Variants in CACNB2 observed in about 807,000 individuals in gnomAD.
CACNB2 encodes calcium voltage-gated channel auxiliary subunit beta 2.
CACNB2 carries 42 observed loss-of-function variants against 73.3 expected under a neutral mutation model. The observed-to-expected ratio is 0.57, with a 90% CI of 0.45 to 0.74. The LOEUF is 0.74. Ranked by LOEUF, CACNB2 falls within the 30% of genes least tolerant of loss-of-function variation. The pLI is 0.00. For missense variants in CACNB2, 940 were observed against 853.0 expected, an observed-to-expected ratio of 1.10 and a Z score of -1.27; for synonymous variants, 348 against 310.3, an observed-to-expected ratio of 1.12 and a Z score of -1.28.
intron 2 of CACNB2, among the ~76,000 whole-genome samples, chr10:18,387,354 T>G (rs1464776661): frequency 6.6e-6 from 1 of 152,196 alleles, no homozygotes; most frequent in South Asian, 2.1e-4. Flanking sequence ...AAATAATGTT[T>G]TGTGTTACAG....
At chr10:18,182,151 G>A (rs995579763) in intron 2 of CACNB2, 1 of 152,096 alleles carries the variant, frequency 6.6e-6, no homozygotes, top group Non-Finnish European at 1.5e-5. Context: ...GCCCAATTAT[G>A]TCTGGGGTGT....
intron 2 of CACNB2, among the ~76,000 whole-genome samples, chr10:18,322,351 T>C (rs549123607): frequency 1.1e-4 from 17 of 152,332 alleles, no homozygotes; most frequent in African/African-American, 4.1e-4. Context: ...AATCGCATGA[T>C]TTGTAAAAAG....
At chr10:18,173,658 A>G (rs908430203) in intron 2 of CACNB2, among the ~76,000 whole-genome samples, 2 of 152,216 alleles carry the variant, frequency 1.3e-5, no homozygotes, top group African/African-American at 4.8e-5. Context: ...TTAGCATTAT[A>G]TAATGAATCA....
intron 6 of CACNB2, among the ~76,000 whole-genome samples, chr10:18,509,921 C>G (rs1014633663): frequency 6.6e-6 from 1 of 152,130 alleles, no homozygotes; most frequent in African/African-American, 2.4e-5. Context: ...CAAGTAAATA[C>G]TAATGTTTGC....
At chr10:18,241,672 G>A (rs1218575983) in intron 2 of CACNB2, among the ~76,000 whole-genome samples, 1 of 152,000 alleles carries the variant, frequency 6.6e-6, no homozygotes, top group African/African-American at 2.4e-5. Flanking sequence ...AATGAGACAA[G>A]GGGAAAGAAA....
intron 2 of CACNB2, among the ~76,000 whole-genome samples, chr10:18,378,711 A>G (rs1231500392): frequency 1.3e-5 from 2 of 152,158 alleles, no homozygotes; most frequent in Admixed American, 1.3e-4. Flanking sequence ...TGATGGCACC[A>G]CTGCACTCCA....
chr10:18,237,269 G>A (rs1249953567), intron 2 of CACNB2, among the ~76,000 whole-genome samples: 14 of 152,198 alleles, frequency 9.2e-5, no homozygotes, highest in Admixed American at 9.2e-4. Flanking sequence ...AAATAAAGAG[G>A]TTTTAAAGAT....
chr10:18,532,676 C>CAAAAAAAAAAAAAAAAAAAAAAAAAAAAA (rs1219587375), intron 10 of CACNB2, among the ~76,000 whole-genome samples: 3 of 92,564 alleles, frequency 3.2e-5, no homozygotes, highest in Non-Finnish European at 4.3e-5. Flanking sequence ...GACTCTGTCT[C>CAAAAAAAAAAAAAAAAAAAAAAAAAAAAA]AAAAAAAAAA....
chr10:18,356,938 A>ATGCCTTTT (rs1436280481), intron 2 of CACNB2, among the ~76,000 whole-genome samples: 1 of 94,446 alleles, frequency 1.1e-5, no homozygotes, highest in Admixed American at 1.3e-4. Context: ...CCCAGACTCA[A>ATGCCTTTT]TTTCTTTTTT....
At chr10:18,192,640 C>T (rs1205176642) in intron 2 of CACNB2, among the ~76,000 whole-genome samples, 1 of 152,166 alleles carries the variant, frequency 6.6e-6, no homozygotes, top group East Asian at 1.9e-4. Flanking sequence ...CAATTTCTTC[C>T]TATCCTTCCC....
chr10:18,169,199 A>T (rs576538866), intron 2 of CACNB2, among the ~76,000 whole-genome samples: 2,325 of 93,620 alleles, frequency 0.025, 21 homozygotes, highest in Non-Finnish European at 0.028. Context: ...ATATATTTTT[A>T]AAAAAAATAA....
At chr10:18,370,476 T>A (rs1394497679) in intron 2 of CACNB2, among the ~76,000 whole-genome samples, 2 of 152,306 alleles carry the variant, frequency 1.3e-5, no homozygotes, top group African/African-American at 2.4e-5. Context: ...TGTTTTGTAT[T>A]TTTAGTAGAG....
At chr10:18,152,733 C>CAAAAAAAAAAAAAAAA (rs1461809120) in intron 2 of CACNB2, among the ~76,000 whole-genome samples, 1 of 89,378 alleles carries the variant, frequency 1.1e-5, no homozygotes. Flanking sequence ...AAAAAAAAAA[C>CAAAAAAAAAAAAAAAA]AAAAAACAAA....
intron 2 of CACNB2, among the ~76,000 whole-genome samples, chr10:18,228,379 G>C (rs1185685737): frequency 2.2e-5 from 3 of 133,942 alleles, no homozygotes; most frequent in African/African-American, 8.4e-5. Context: ...GTTGCGGTGA[G>C]CCGAGATGGC....
intron 2 of CACNB2, among the ~76,000 whole-genome samples, chr10:18,394,243 A>G (rs561602967): frequency 2.6e-5 from 4 of 152,140 alleles, no homozygotes; most frequent in Non-Finnish European, 4.4e-5. Context: ...ACCGTGAGCC[A>G]CTGCGCCTGG....
chr10:18,512,412 C>A (rs1469648750), intron 6 of CACNB2, among the ~76,000 whole-genome samples: 1 of 152,158 alleles, frequency 6.6e-6, no homozygotes, highest in Non-Finnish European at 1.5e-5. Flanking sequence ...GAATCATTGG[C>A]CTTGTGTATG....
At chr10:18,250,966 T>C (rs2037065045) in intron 2 of CACNB2, among the ~76,000 whole-genome samples, 1 of 152,270 alleles carries the variant, frequency 6.6e-6, no homozygotes, top group Non-Finnish European at 1.5e-5. Context: ...CTGAGGTGGA[T>C]GGCCTTCCCT....
At chr10:18,151,636 T>G (rs932360967) in intron 2 of CACNB2, among the ~76,000 whole-genome samples, 1 of 152,240 alleles carries the variant, frequency 6.6e-6, no homozygotes, top group Admixed American at 6.5e-5. Flanking sequence ...AGGAAGAGCA[T>G]AGAGGCAGCT....
At position 18,502,073 on chromosome 10, in the gene CACNB2, G is replaced by A. The variant is rs185810673; in HGVS notation, c.593+1125G>A. On this transcript the variant is annotated intron_variant, in intron 5 of 13. Transcript: ENST00000324631. Reference sequence around the variant, plus strand: ...CCTGTAATCCCAGCACTGGGAGGCCGAGGCAGACAGATCACCTGAGGTCAG... The same window carrying A: ...CCTGTAATCCCAGCACTGGGAGGCCAAGGCAGACAGATCACCTGAGGTCAG... 4.1e-4 allele frequency among the ~76,000 whole-genome samples: 63 copies of A among 152,324 alleles called. 1 individual carries two copies. The East Asian group carries it at 9.9e-3, about 24-fold the overall frequency.
Sources: gnomAD v4.1 joint callset for allele counts (sites outside exome capture counted in the v4.1 genomes callset) on GRCh38, gnomAD v4.1.1 for gene constraint, MANE v1.5 for transcripts, NCBI Gene and HGNC (gene_info 2026-07-23, HGNC 2026-07-21) for gene names.